The following ASAP1 variants were observed in gnomAD, a reference collection of about 807,000 sequenced individuals.
The protein encoded by ASAP1 is arf-GAP with SH3 domain, ANK repeat and PH domain-containing protein 1.
Under a neutral mutation model 145.2 loss-of-function variants are expected in ASAP1, and 43 were observed. That is an observed-to-expected ratio of 0.30 (90% CI 0.23 to 0.38). The LOEUF is 0.38. Ranked by LOEUF, ASAP1 falls within the 10% of genes least tolerant of loss-of-function variation. The pLI is 1.00. For missense variants in ASAP1, 1,018 were observed against 1,355.3 expected (o/e 0.75, Z 3.91); for synonymous variants, 546 against 515.5 (o/e 1.06, Z -0.80).
intron 3 of ASAP1, among the ~76,000 whole-genome samples, chr8:130,294,026 A>C (rs764066803): frequency 6.6e-6 from 1 of 152,204 alleles, no homozygotes. Context: ...TTCTCACAAT[A>C]ATCTTACGTA....
At chr8:130,174,820 AAT>A (rs1276992709) in intron 9 of ASAP1, among the ~76,000 whole-genome samples, 6 of 152,202 alleles carry the variant, frequency 3.9e-5, no homozygotes, top group African/African-American at 1.4e-4. Flanking sequence ...AACATGTATC[AAT>A]ATTTCATTCA....
chr8:130,291,162 T>C (rs1821922531), intron 3 of ASAP1, among the ~76,000 whole-genome samples: 1 of 152,204 alleles, frequency 6.6e-6, no homozygotes, highest in African/African-American at 2.4e-5. Context: ...AAAACTGGTA[T>C]GTAAATGGAA....
chr8:130,114,060 G>A (rs2097550883), intron 23 of ASAP1, among the ~76,000 whole-genome samples: 1 of 152,212 alleles, frequency 6.6e-6, no homozygotes, highest in Non-Finnish European at 1.5e-5. Context: ...GGGATTACAG[G>A]TGTGAGCCAC....
At chr8:130,108,900 C>T (rs946841311) in intron 24 of ASAP1, among the ~76,000 whole-genome samples, 4 of 150,964 alleles carry the variant, frequency 2.6e-5, no homozygotes, top group East Asian at 3.9e-4. Context: ...CTCAGCCTCC[C>T]GAGTAGCTGG....
intron 3 of ASAP1, among the ~76,000 whole-genome samples, chr8:130,326,167 C>T (rs1241977570): frequency 6.6e-6 from 1 of 152,186 alleles, no homozygotes; most frequent in Non-Finnish European, 1.5e-5. Context: ...ATATGCCTCA[C>T]TCTCAATGCA....
chr8:130,115,817 C>A (rs2097554876), intron 22 of ASAP1, 82 bp from the exon 23 acceptor site: 1 of 1,007,266 alleles, frequency 9.9e-7, no homozygotes, highest in East Asian at 2.4e-5. Flanking sequence ...GCAAATCCCA[C>A]CTTATTCCTA....
chr8:130,224,686 C>A (rs1280760565), intron 4 of ASAP1, among the ~76,000 whole-genome samples: 1 of 152,116 alleles, frequency 6.6e-6, no homozygotes, highest in Non-Finnish European at 1.5e-5. Flanking sequence ...ATAAGTAAAT[C>A]TAATTATTTT....
intron 3 of ASAP1, among the ~76,000 whole-genome samples, chr8:130,257,795 C>G (rs1358164093): frequency 6.9e-6 from 1 of 144,818 alleles, no homozygotes; most frequent in Admixed American, 6.9e-5. Flanking sequence ...CACCCCCCCC[C>G]CATTATTTTT....
intron 2 of ASAP1, among the ~76,000 whole-genome samples, chr8:130,392,030 G>A (rs1302482355): frequency 1.3e-5 from 2 of 152,186 alleles, no homozygotes; most frequent in Admixed American, 6.5e-5. Context: ...TAGCACTTAC[G>A]TTCTGCCTCA....
intron 28 of ASAP1, among the ~76,000 whole-genome samples, chr8:130,060,298 C>A (rs2097416023): frequency 1.3e-5 from 2 of 152,024 alleles, no homozygotes; most frequent in Non-Finnish European, 2.9e-5. Context: ...GTATTAGCTC[C>A]TTTTTGTATG....
intron 3 of ASAP1, among the ~76,000 whole-genome samples, chr8:130,340,015 C>T (rs1825277482): frequency 6.6e-6 from 1 of 152,302 alleles, no homozygotes; most frequent in Non-Finnish European, 1.5e-5. Flanking sequence ...TACATTTGTT[C>T]ATTCAAATGG....
chr8:130,397,580 A>G (rs1389031928), intron 2 of ASAP1, among the ~76,000 whole-genome samples: 1 of 152,252 alleles, frequency 6.6e-6, no homozygotes, highest in East Asian at 1.9e-4. Flanking sequence ...TAGGTTCACA[A>G]CTATGACAGT....
At chr8:130,334,215 G>A (rs1565218249) in intron 3 of ASAP1, among the ~76,000 whole-genome samples, 1 of 152,104 alleles carries the variant, frequency 6.6e-6, no homozygotes, top group Non-Finnish European at 1.5e-5. Context: ...ACAAAAAGTT[G>A]CTGAGGCACA....
intron 13 of ASAP1, among the ~76,000 whole-genome samples, chr8:130,151,180 G>C (rs2135945225): frequency 6.6e-6 from 1 of 151,658 alleles, no homozygotes; most frequent in East Asian, 1.9e-4. Context: ...AGACCAGCCT[G>C]GTCAATATGA....
At chr8:130,061,148 C>A (rs1397627775) in intron 27 of ASAP1, 79 bp from the exon 28 acceptor site, 5 of 1,499,046 alleles carry the variant, frequency 3.3e-6, no homozygotes, top group Non-Finnish European at 4.4e-6. Context: ...GAGGCACCAT[C>A]ATCATGAAGG....
chr8:130,413,548 A>G (rs1829353146), intron 1 of ASAP1, among the ~76,000 whole-genome samples: 2 of 152,268 alleles, frequency 1.3e-5, no homozygotes, highest in South Asian at 4.1e-4. Context: ...GAAATAAAGT[A>G]TATCTAAGAA....
At chr8:130,441,168 C>T (rs997024420) in intron 1 of ASAP1, among the ~76,000 whole-genome samples, 1 of 152,234 alleles carries the variant, frequency 6.6e-6, no homozygotes, top group Non-Finnish European at 1.5e-5. Context: ...TCCTATTCAT[C>T]TTTGCAGGAC....
At chr8:130,186,773 A>C (rs1814759019) in intron 7 of ASAP1, among the ~76,000 whole-genome samples, 1 of 152,174 alleles carries the variant, frequency 6.6e-6, no homozygotes, top group Admixed American at 6.5e-5. Context: ...ACAGAGAGTA[A>C]AGCTGTACAG....
Position 130,180,773 on chromosome 8 carries a change from A to G in ASAP1, c.638T>C (p.Leu213Pro). The change falls in exon 8 of 30, where the codon CTC becomes CCC. Residue 213 changes from leucine to proline, a missense_variant. Leu to Pro is a moderately conservative substitution (Grantham distance 98). This residue lies in a region of ASAP1 where 78 missense variants were observed against 161.0 expected (regional missense o/e 0.48). Coordinates refer to ENST00000518721, the MANE Select transcript of ASAP1 (RefSeq NM_018482.4). ...TACTTCACACATTTGGAGCTGAAAG[A>G]GGCGCCTTTCCTTCTCCATTTCTTC... ...IAEEMEKERR[L>P]FQLQMCEYLI... The G allele has an allele frequency of 1.2e-6, 2 of 1,612,674 alleles. No individual in the cohort carries two copies. Among genetic ancestry groups the G allele is most frequent in the Non-Finnish European group, 1.7e-6 (2 of 1,179,560 alleles).
Sources: gnomAD v4.1 joint callset for allele counts (sites outside exome capture counted in the v4.1 genomes callset) on GRCh38, gnomAD v4.1.1 for gene constraint, gnomAD v4.1.1 regional missense constraint, MANE v1.5 for transcripts, NCBI Gene and HGNC (gene_info 2026-07-23, HGNC 2026-07-21) for gene names.